The following RTN1 variants were observed in gnomAD, a reference collection of about 807,000 sequenced individuals.
The protein encoded by RTN1 is reticulon 1.
RTN1 carries 25 observed loss-of-function variants against 65.5 expected under a neutral mutation model. That is an observed-to-expected ratio of 0.38 (90% CI 0.28 to 0.53). The LOEUF is 0.53. Ranked by LOEUF, RTN1 falls within the 20% of genes least tolerant of loss-of-function variation. The pLI is 0.79. For missense variants in RTN1, 983 were observed against 1,025.4 expected (o/e 0.96, Z 0.57); for synonymous variants, 471 against 447.6 (o/e 1.05, Z -0.66).
intron 3 of RTN1, among the ~76,000 whole-genome samples, chr14:59,709,847 A>G (rs975610214): frequency 2.0e-5 from 3 of 152,198 alleles, no homozygotes; most frequent in Non-Finnish European, 4.4e-5. Context: ...TATCACGGGA[A>G]GAACATAACT....
chr14:59,600,826 C>T lies in RTN1; in HGVS notation c.2288+2239G>A, dbSNP rs116909726. Among the ~76,000 whole-genome samples the T allele has an allele frequency of 9.7e-3, 1,473 of 152,228 alleles. 15 individuals are homozygous for T. Among genetic ancestry groups the T allele is most frequent in the Middle Eastern group, 0.041 (12 of 294 alleles). On this transcript the variant is annotated intron_variant, in intron 8 of 8. Coordinates refer to ENST00000267484, the MANE Select transcript of RTN1 (RefSeq NM_021136.3). ...CATTCCTTTTCACAGCATTGATTTC[C>T]AATTGTAATTTAACAAGTACATTGT...
chr14:59,768,074 G>A (rs1280401576), intron 1 of RTN1, among the ~76,000 whole-genome samples: 1 of 152,098 alleles, frequency 6.6e-6, no homozygotes, highest in Non-Finnish European at 1.5e-5. Context: ...ATTAGGTTTG[G>A]CTTGTTTTCA....
intron 3 of RTN1, among the ~76,000 whole-genome samples, chr14:59,675,985 G>A (rs774886288): frequency 4.6e-5 from 7 of 152,006 alleles, no homozygotes; most frequent in Non-Finnish European, 8.8e-5. Context: ...CCCATTTAAT[G>A]CTGTGTTAGG....
At chr14:59,731,979 A>G (rs1270325197) in intron 2 of RTN1, among the ~76,000 whole-genome samples, 3 of 152,246 alleles carry the variant, frequency 2.0e-5, no homozygotes, top group African/African-American at 7.2e-5. Flanking sequence ...GAGAATAAAA[A>G]GAAAACAAAA....
intron 1 of RTN1, among the ~76,000 whole-genome samples, chr14:59,834,507 TC>T (rs889191111): frequency 1.3e-5 from 2 of 152,090 alleles, no homozygotes; most frequent in Admixed American, 6.6e-5. Context: ...CTATTGAAAC[TC>T]AATAATAAGA....
rs1357874634 is a variant in RTN1, at chr14:59,607,464, G to A, written c.1794C>T (p.Ile598=). ...KAIDLLYWRD[I]KQTGIVFGSF... Reference sequence around the variant, plus strand: ...TCCCAAACACGATGCCCGTCTGCTTGATGTCCCGCCAATACAACAGGTCAA... The same window carrying A: ...TCCCAAACACGATGCCCGTCTGCTTAATGTCCCGCCAATACAACAGGTCAA... The change falls in exon 4 of 9, where the codon ATC becomes ATT. Residue 598 remains isoleucine, a synonymous_variant. Coordinates refer to ENST00000267484, the MANE Select transcript of RTN1 (RefSeq NM_021136.3). 2 of 1,603,358 alleles carry A rather than the reference G, an allele frequency of 1.2e-6. No individual in the cohort carries two copies. The highest frequency in any genetic ancestry group is 1.7e-6 in the Non-Finnish European group (2 of 1,174,672).
intron 2 of RTN1, among the ~76,000 whole-genome samples, chr14:59,739,467 G>T (rs1885071041): frequency 6.6e-6 from 1 of 151,910 alleles, no homozygotes. Context: ...CTTGAACCCG[G>T]GAGGCTGAGG....
chr14:59,801,665 T>A (rs2139601608), intron 1 of RTN1, among the ~76,000 whole-genome samples: 1 of 152,216 alleles, frequency 6.6e-6, no homozygotes, highest in South Asian at 2.1e-4. Context: ...TAACTACAGA[T>A]AACTGGCTGA....
Position 59,623,506 on chromosome 14 carries a change from C to T in RTN1, c.1766-16014G>A, listed in dbSNP as rs149402796. 4.9e-3 allele frequency among the ~76,000 whole-genome samples: 741 copies of T among 152,264 alleles called. 4 individuals carry two copies. The highest frequency in any genetic ancestry group is 0.017 in the African/African-American group (708 of 41,554). On this transcript the variant is annotated intron_variant, in intron 3 of 8. Coordinates refer to ENST00000267484, the MANE Select transcript of RTN1 (RefSeq NM_021136.3). Reference sequence around the variant, plus strand: ...CCGGGATCAAAGGAAGAGATGGTCACAGGGAGGAAAAGACGGGCTTTGGAA... The same window carrying T: ...CCGGGATCAAAGGAAGAGATGGTCATAGGGAGGAAAAGACGGGCTTTGGAA...
intron 1 of RTN1, among the ~76,000 whole-genome samples, chr14:59,841,394 C>G (rs1887308816): frequency 6.6e-6 from 1 of 152,128 alleles, no homozygotes. Flanking sequence ...AATTGTCAGA[C>G]TGGATAAAAC....
chr14:59,682,766 A>G (rs558956417), intron 3 of RTN1, among the ~76,000 whole-genome samples: 15 of 152,206 alleles, frequency 9.9e-5, no homozygotes, highest in African/African-American at 1.9e-4. Context: ...ATGATTTGAT[A>G]ATTTATGAGT....
chr14:59,842,902 T>C (rs553434302), intron 1 of RTN1, among the ~76,000 whole-genome samples: 2 of 152,300 alleles, frequency 1.3e-5, no homozygotes, highest in African/African-American at 2.4e-5. Flanking sequence ...CAAAATGGTA[T>C]AGGCACTTTG....
rs184038065 is a variant in RTN1 at position 59,732,164 on chromosome 14, G to T, written c.1016-4496C>A. 1.5e-4 allele frequency among the ~76,000 whole-genome samples: 23 copies of T among 152,288 alleles called. 1 individual carries two copies. The East Asian group carries it at 2.3e-3, about 15-fold the overall frequency. ...ATGGAAGTGAAAAAGGAAGGGGTCT[G>T]CTCAAAGAAGGACAAAGTCAAACGT... On this transcript the variant is annotated intron_variant, in intron 2 of 8. Transcript: ENST00000267484.
intron 3 of RTN1, among the ~76,000 whole-genome samples, chr14:59,633,035 C>T (rs758086307): frequency 8.5e-5 from 13 of 152,094 alleles, no homozygotes; most frequent in African/African-American, 2.9e-4. Flanking sequence ...CCAGGGAGAT[C>T]GAGGCTGCAG....
chr14:59,867,407 T>C (rs1887818878), intron 1 of RTN1, among the ~76,000 whole-genome samples: 1 of 152,212 alleles, frequency 6.6e-6, no homozygotes, highest in Admixed American at 6.5e-5. Flanking sequence ...ACACATAATT[T>C]CACATGTCCA....
chr14:59,624,707 C>A lies in RTN1; in HGVS notation c.1766-17215G>T, dbSNP rs201855359. 1.1e-4 allele frequency among the ~76,000 whole-genome samples: 17 copies of A among 152,292 alleles called. No individual in the cohort carries two copies. In the East Asian group the frequency reaches 3.3e-3, roughly 29 times the overall value. ...GAACTCCTGACCTCAGGTGGTCCACCTACCTCAGCCTCCCAAAGTGCTGGG... is the reference window on the plus strand; with the variant it reads ...GAACTCCTGACCTCAGGTGGTCCACATACCTCAGCCTCCCAAAGTGCTGGG... On this transcript the variant is annotated intron_variant, in intron 3 of 8. Transcript: ENST00000267484.
At chr14:59,782,342 T>C (rs1039386468) in intron 1 of RTN1, among the ~76,000 whole-genome samples, 1 of 152,216 alleles carries the variant, frequency 6.6e-6, no homozygotes, top group Admixed American at 6.5e-5. Flanking sequence ...CCAGCAACAC[T>C]ATCTAACAAA....
At chr14:59,851,120 G>C (rs553327101) in intron 1 of RTN1, among the ~76,000 whole-genome samples, 39 of 152,260 alleles carry the variant, frequency 2.6e-4, no homozygotes, top group Middle Eastern at 3.4e-3. Flanking sequence ...AGAAAATAAT[G>C]CTTCCAAAGA....
At chr14:59,723,634 A>C (rs574281665) in intron 3 of RTN1, among the ~76,000 whole-genome samples, 132 of 152,218 alleles carry the variant, frequency 8.7e-4, no homozygotes, top group Non-Finnish European at 1.7e-3. Context: ...TAAATAAATA[A>C]AAATAAATTA....
Sources: allele counts gnomAD v4.1 joint callset (sites outside exome capture counted in the v4.1 genomes callset), GRCh38; gene constraint gnomAD v4.1.1; transcripts MANE v1.5; gene names NCBI Gene and HGNC (gene_info 2026-07-23, HGNC 2026-07-21).